The following KAZN variants were observed in gnomAD, a reference collection of about 807,000 sequenced individuals.
The protein encoded by KAZN is kazrin, periplakin interacting protein, also known as kazrin.
KAZN carries 40 observed loss-of-function variants against 87.4 expected under a neutral mutation model. That is an observed-to-expected ratio of 0.46 (90% CI 0.36 to 0.60). The LOEUF (loss-of-function observed/expected upper bound fraction) is 0.60, where lower values mean the gene tolerates loss of function less well. Ranked by LOEUF, KAZN falls within the 20% of genes least tolerant of loss-of-function variation. The pLI is 0.00. For synonymous variants in KAZN, 466 were observed against 458.3 expected, an observed-to-expected ratio of 1.02 and a Z score of -0.22; for missense variants, 898 against 1,073.9, an observed-to-expected ratio of 0.84 and a Z score of 2.29.
At chr1:14,449,073 G>C (rs908086439) in intron 2 of KAZN, among the ~76,000 whole-genome samples, 7 of 152,332 alleles carry the variant, frequency 4.6e-5, no homozygotes, top group Admixed American at 2.0e-4. Flanking sequence ...TGATGACTAT[G>C]TGGGTTGTAA....
chr1:14,392,898 T>C lies in KAZN; in HGVS notation c.250-206085T>C, dbSNP rs1278743979. 2.6e-5 allele frequency among the ~76,000 whole-genome samples: 4 copies of C among 152,254 alleles called. No homozygotes were observed. The East Asian group carries it at 7.7e-4, about 29-fold the overall frequency. ...CCAATCCACTGAATAAGTGTATACA[T>C]TTTCTAGTTGGGGTCTTCTGGTCAG... On this transcript the variant is annotated intron_variant, in intron 2 of 16. Transcript: ENST00000636203.
chr1:14,740,288 T>G (rs986377656), intron 1 of KAZN, among the ~76,000 whole-genome samples: 1 of 152,192 alleles, frequency 6.6e-6, no homozygotes, highest in African/African-American at 2.4e-5. Flanking sequence ...GCACAGGCTG[T>G]GTTTCTGGGC....
chr1:14,121,929 C>A (rs4662108), intron 1 of KAZN, among the ~76,000 whole-genome samples: 84,102 of 152,032 alleles, frequency 0.55, 24,352 homozygotes, highest in East Asian at 0.75. Flanking sequence ...GCAGAAGGTG[C>A]CTGGTGTGCT....
chr1:14,698,287 G>A (rs771151174), intron 1 of KAZN, among the ~76,000 whole-genome samples: 2 of 152,192 alleles, frequency 1.3e-5, no homozygotes, highest in Non-Finnish European at 2.9e-5. Context: ...TCAGGTGGGG[G>A]TGGGGAGGGG....
chr1:14,588,754 A>G (rs972553901), intron 2 of KAZN, among the ~76,000 whole-genome samples: 1 of 152,232 alleles, frequency 6.6e-6, no homozygotes, highest in African/African-American at 2.4e-5. Flanking sequence ...AAAGCTGCCT[A>G]GAAGGTATCA....
intron 1 of KAZN, 86 bp from the exon 2 acceptor site, chr1:14,960,598 C>A: frequency 7.0e-7 from 1 of 1,434,544 alleles, no homozygotes; most frequent in Non-Finnish European, 9.4e-7. Context: ...AACAAAAAAG[C>A]CAAAGCCACC....
chr1:14,956,351 G>A lies in KAZN; in HGVS notation c.227-4333G>A, dbSNP rs1488264423. 2.0e-5 allele frequency among the ~76,000 whole-genome samples: 3 copies of A among 148,326 alleles called. No homozygotes were observed. In the East Asian group the frequency reaches 5.9e-4, roughly 29 times the overall value. On this transcript the variant is annotated intron_variant, in intron 1 of 14. Coordinates refer to ENST00000376030, the MANE Select transcript of KAZN (RefSeq NM_201628.3). ...ACGGTGGCTCCCACCTGTAATCCCA[G>A]CACTTTGGGAGGCTGAGGCAGGTGG... is the stretch of plus-strand genomic sequence containing the variant.
intron 2 of KAZN, among the ~76,000 whole-genome samples, chr1:14,576,670 C>T (rs541826198): frequency 8.5e-5 from 13 of 152,268 alleles, no homozygotes; most frequent in Admixed American, 3.3e-4. Flanking sequence ...TGCCATTGAA[C>T]GCTAAAGATT....
At chr1:14,017,180 A>G (rs577410685) in intron 1 of KAZN, among the ~76,000 whole-genome samples, 1 of 152,270 alleles carries the variant, frequency 6.6e-6, no homozygotes, top group South Asian at 2.1e-4. Flanking sequence ...ACGTTCTGCC[A>G]ATTCGAGGTA....
chr1:14,829,775 A>T (rs549342964), intron 1 of KAZN, among the ~76,000 whole-genome samples: 1 of 152,304 alleles, frequency 6.6e-6, no homozygotes, highest in Admixed American at 6.5e-5. Flanking sequence ...GTGTGGCCAG[A>T]GCATAGAAGG....
intron 2 of KAZN, among the ~76,000 whole-genome samples, chr1:14,347,871 CTTTTTTCTTTTTCTTTT>C (rs1278707553): frequency 6.7e-6 from 1 of 149,316 alleles, no homozygotes; most frequent in African/African-American, 2.4e-5. Flanking sequence ...TATTTTTTTT[CTTTTTTCTTTTTCTTTT>C]TTTTTTCTTT....
rs1640711628 is a variant in KAZN, at chr1:15,094,490, G to A, written c.1428+105G>A. ...CACTCCTACCCTGGAGTCAGGAGAA[G>A]GTGCAATCTAGGAGCTAGCCAATGC... On this transcript the variant is annotated intron_variant, in intron 9 of 14. Transcript: ENST00000376030. The surrounding 1 kb of genome is among the most constrained non-coding windows in gnomAD (Gnocchi z 4.5). 1.8e-6 allele frequency: 2 copies of A among 1,082,144 alleles called. No individual in the cohort carries two copies. Among genetic ancestry groups the A allele is most frequent in the Admixed American group, 4.3e-5 (2 of 46,392 alleles). 67.0% of individuals were successfully genotyped at this position (1,082,144 alleles called of 1,614,324 possible). A position where few individuals can be genotyped will look rare whatever the true frequency, so the allele number is the denominator to read the frequency against.
In KAZN at chr1:14,773,811, C is replaced by T. The variant is rs1226371012; in HGVS notation, c.226+174588C>T. On this transcript the variant is annotated intron_variant, in intron 1 of 14. Transcript: ENST00000376030. The surrounding 1 kb of genome is among the most constrained non-coding windows in gnomAD (Gnocchi z 5.9). ...CTGGGAGCTGCGGCAGGTCCCAGCC[C>T]AGGCCAGGCCTGCTCTCCTCCCCTC... 6.6e-6 allele frequency among the ~76,000 whole-genome samples: 1 copy of T among 152,188 alleles called. No homozygotes were observed. Among genetic ancestry groups the T allele is most frequent in the African/African-American group, 2.4e-5 (1 of 41,452 alleles).
At chr1:15,103,858 T>C (rs1223221756) in intron 12 of KAZN, among the ~76,000 whole-genome samples, 165 bp from the exon 13 acceptor site, 1 of 151,926 alleles carries the variant, frequency 6.6e-6, no homozygotes, top group Non-Finnish European at 1.5e-5. Context: ...CCTGACCTCG[T>C]GGCTCTAAAA....
chr1:14,331,615 G>C (rs994775178), intron 2 of KAZN, among the ~76,000 whole-genome samples: 1 of 152,020 alleles, frequency 6.6e-6, no homozygotes, highest in African/African-American at 2.4e-5. Flanking sequence ...ATTTATCATT[G>C]GTCTATAAAG....
In KAZN at chr1:14,230,416, A is replaced by G. The variant is rs56132275; in HGVS notation, c.249+49824A>G. Among the ~76,000 whole-genome samples the G allele has an allele frequency of 2.4e-3, 373 of 152,318 alleles. 2 individuals are homozygous for G. Among genetic ancestry groups the G allele is most frequent in the African/African-American group, 7.9e-3 (328 of 41,578 alleles). On this transcript the variant is annotated intron_variant, in intron 2 of 16. Transcript: ENST00000636203. The stretch of plus-strand genomic sequence containing the variant: ...ATTTTGCTGAACTCATAAGATCCTT[A>G]TGAGGTAAGCATTATCTCCCCCACT...
intron 2 of KAZN, among the ~76,000 whole-genome samples, chr1:14,386,891 T>A (rs563391599): frequency 4.1e-4 from 63 of 152,348 alleles, no homozygotes; most frequent in African/African-American, 1.5e-3. Context: ...TTCCCCTGGA[T>A]AATATCCTGC....
chr1:14,150,152 C>A (rs531602311), intron 1 of KAZN, among the ~76,000 whole-genome samples: 5 of 152,178 alleles, frequency 3.3e-5, no homozygotes, highest in Non-Finnish European at 7.3e-5. Flanking sequence ...TTCCCAGAGA[C>A]GAAGGACTTG....
chr1:14,397,589 G>A (rs913888757), intron 2 of KAZN, among the ~76,000 whole-genome samples: 4 of 152,088 alleles, frequency 2.6e-5, no homozygotes, highest in Non-Finnish European at 4.4e-5. Context: ...GGGGGCGGTG[G>A]TTCATGCCTG....
Sources: gnomAD v4.1 joint callset for allele counts (sites outside exome capture counted in the v4.1 genomes callset) on GRCh38, gnomAD v4.1.1 for gene constraint, Gnocchi (gnomAD v3.1) non-coding constraint, MANE v1.5 for transcripts, NCBI Gene and HGNC (gene_info 2026-07-23, HGNC 2026-07-21) for gene names.